CCDC24: variants seen among roughly 807,000 people sequenced by gnomAD.
CCDC24 encodes the protein coiled-coil domain containing 24.
Under a neutral mutation model 31.6 loss-of-function variants are expected in CCDC24, and 34 were observed. That is an observed-to-expected ratio of 1.08 (90% CI 0.82 to 1.43). The LOEUF (loss-of-function observed/expected upper bound fraction) is 1.43, where lower values mean the gene tolerates loss of function less well. Among genes scored for constraint, CCDC24 ranks in the 40% most tolerant of loss-of-function variants. The pLI is 0.00. For missense variants in CCDC24, 426 were observed against 391.1 expected (o/e 1.09, Z -0.75); for synonymous variants, 175 against 157.3 (o/e 1.11, Z -0.84).
In CCDC24 at chr1:43,993,899, A is replaced by G. The variant is rs200480885; in HGVS notation, c.432A>G (p.Arg144=). 1.4e-4 allele frequency: 221 copies of G among 1,614,202 alleles called. 2 individuals are homozygous for G. In the South Asian group the frequency reaches 2.3e-3, roughly 17 times the overall value. ...ACTTCATTGCCAGCAGCGGTCACAG[A>G]GATCTCAGCATCATCAAGGACCAAC... The part of the protein sequence containing the change: ...MRGGGPSSGH[R]DLSIIKDQLN... The change falls in exon 5 of 9, where the codon AGA becomes AGG. Residue 144 remains arginine, a synonymous_variant. Transcript: ENST00000372318.
At chr1:43,993,248 C>T (rs2085776364) in intron 4 of CCDC24, among the ~76,000 whole-genome samples, 1 of 150,794 alleles carries the variant, frequency 6.6e-6, no homozygotes, top group Admixed American at 6.6e-5. Flanking sequence ...TGAGATCAGC[C>T]TGGGCAATAC....
At position 43,991,736 on chromosome 1, in the gene CCDC24, G is replaced by A. The variant is rs894562067; in HGVS notation, c.-43G>A. The A allele has an allele frequency of 8.3e-6, 9 of 1,083,616 alleles. No individual in the cohort carries two copies. Among genetic ancestry groups the A allele is most frequent in the African/African-American group, 7.8e-5 (5 of 64,158 alleles). 67.1% of individuals were successfully genotyped at this position (1,083,616 alleles called of 1,614,324 possible). A position where few individuals can be genotyped will look rare whatever the true frequency, so the allele number is the denominator to read the frequency against. ...GCAATCCCAGCCGAGGGGACCAGCG[G>A]CAGAGCACGGGTGGGGCTTGGGAGA... On this transcript the variant is annotated 5_prime_UTR_variant, in exon 1 of 9. Transcript: ENST00000372318.
chr1:43,992,487 G>A (rs2085764216), intron 3 of CCDC24, 36 bp from the exon 4 acceptor site: 1 of 1,613,486 alleles, frequency 6.2e-7, no homozygotes. Context: ...TTCCAGAAAG[G>A]AGCCTCTCAG....
At position 43,995,391 on chromosome 1, in the gene CCDC24, T is replaced by G. The variant is rs1406255059; in HGVS notation, c.553-210T>G. 1 of 696,162 alleles carries G rather than the reference T, an allele frequency of 1.4e-6. No homozygotes were observed. Among genetic ancestry groups the G allele is most frequent in the Non-Finnish European group, 2.4e-6 (1 of 423,436 alleles). The allele number at this position is 696,162 out of a possible 1,614,324, so 43.1% of individuals were successfully genotyped here. Reference sequence around the variant, plus strand: ...CAACCGTTTTAGGTCTTTTGCCTCCTTCCTTTACCTAAGTCTGGGTACAGG... The same window carrying G: ...CAACCGTTTTAGGTCTTTTGCCTCCGTCCTTTACCTAAGTCTGGGTACAGG... On this transcript the variant is annotated intron_variant, in intron 6 of 8. Coordinates refer to ENST00000372318, the MANE Select transcript of CCDC24 (RefSeq NM_152499.4). The surrounding 1 kb of genome is among the most constrained non-coding windows in gnomAD (Gnocchi z 4.3).
intron 5 of CCDC24, chr1:43,994,805 G>A (rs532060155): frequency 4.2e-5 from 19 of 457,718 alleles, no homozygotes; most frequent in South Asian, 2.2e-4. Context: ...TTTAAGCAGC[G>A]GAAGGGCTGT....
rs548237253 is a variant in CCDC24, at chr1:43,996,219, G to A, written c.*59G>A. 89 of 1,406,626 alleles carry A rather than the reference G, an allele frequency of 6.3e-5. No individual in the cohort carries two copies. The East Asian group carries it at 1.3e-3, about 21-fold the overall frequency. The allele number at this position is 1,406,626 out of a possible 1,614,324, so 87.1% of individuals were successfully genotyped here. A position where few individuals can be genotyped will look rare whatever the true frequency, so the allele number is the denominator to read the frequency against. On this transcript the variant is annotated 3_prime_UTR_variant, in exon 9 of 9. Transcript: ENST00000372318. ...CACAGCGCACCTGTCTGCCGCTGCCGCCTCAGCTGCTTTGGCCCAGCCAGC... is the reference window on the plus strand; with the variant it reads ...CACAGCGCACCTGTCTGCCGCTGCCACCTCAGCTGCTTTGGCCCAGCCAGC...
chr1:43,992,690 T>A (rs1418017183), intron 4 of CCDC24, 51 bp downstream of exon 4: 2 of 1,512,918 alleles, frequency 1.3e-6, no homozygotes, highest in Non-Finnish European at 1.8e-6. Flanking sequence ...CAGAGGGCCC[T>A]AGCCCACTGG....
rs543689854 is a variant in CCDC24 at position 43,995,206 on chromosome 1, C to T, written c.552+44C>T. ...CCCTCCCCCGAGCCTCACTGCTGAG[C>T]GTAGACTCTCACCTGGGTGAGACCC... On this transcript the variant is annotated intron_variant, in intron 6 of 8. Transcript: ENST00000372318. The surrounding 1 kb of genome is among the most constrained non-coding windows in gnomAD (Gnocchi z 4.3). The T allele has an allele frequency of 3.1e-5, 47 of 1,535,318 alleles. No individual in the cohort carries two copies. The highest frequency in any genetic ancestry group is 1.2e-4 in the Admixed American group (6 of 51,254).
Position 43,991,830 on chromosome 1 carries a change from T to G in CCDC24, c.-32-17T>G. On this transcript the variant is annotated splice_polypyrimidine_tract_variant and intron_variant, in intron 1 of 8. Transcript: ENST00000372318. ...CGGGCCCGCGGTACCTCCCGCACTCTGACCTGCGGCCCGTAGGTCCGAGCC... is the reference window on the plus strand; with the variant it reads ...CGGGCCCGCGGTACCTCCCGCACTCGGACCTGCGGCCCGTAGGTCCGAGCC... 6.5e-7 allele frequency: 1 copy of G among 1,544,224 alleles called. No individual in the cohort carries two copies. Among genetic ancestry groups the G allele is most frequent in the Middle Eastern group, 1.7e-4 (1 of 5,720 alleles).
At position 43,992,213 on chromosome 1, in the gene CCDC24, T is replaced by TCG; in HGVS notation, c.128_129insCG (p.Ala44GlyfsTer35). 6.2e-7 allele frequency: 1 copy of TCG among 1,610,000 alleles called. No homozygotes were observed. Among genetic ancestry groups the TCG allele is most frequent in the Non-Finnish European group, 8.5e-7 (1 of 1,177,420 alleles). On this transcript the variant is annotated frameshift_variant and splice_region_variant, in exon 3 of 9. Transcript: ENST00000372318. LOFTEE classifies it high-confidence loss of function. ...AAGGTATCCCAGCTCTCCTTGCAGG[T>TCG]GGCGATGTTACGGGCACTGCTCCAA...
intron 4 of CCDC24, 92 bp from the exon 5 acceptor site, chr1:43,993,795 T>G (rs1373147521): frequency 1.7e-4 from 206 of 1,220,944 alleles, no homozygotes; most frequent in Non-Finnish European, 2.3e-4. Context: ...ATTGCCTTTG[T>G]GAGAAAAGAA....
rs773504689 is a variant in CCDC24, at chr1:43,992,291, C to G, written c.206C>G (p.Ser69Cys). ...PSSRPISDPS[S>C]LLAPPPLLKD... The stretch of plus-strand genomic sequence containing the variant: ...TCCCGCCCCATCTCTGACCCCTCTT[C>G]TCTTCTGGCACCACCGCCTCTCCTA... The change falls in exon 3 of 9, where the codon TCT becomes TGT. Residue 69 changes from serine (S) to cysteine (C), a missense_variant. Physicochemically the swap from Ser to Cys is moderately radical, Grantham distance 112. Transcript: ENST00000372318. 1.2e-6 allele frequency: 2 copies of G among 1,614,128 alleles called. No individual in the cohort carries two copies. The highest frequency in any genetic ancestry group is 1.7e-6 in the Non-Finnish European group (2 of 1,180,016).
Position 43,995,214 on chromosome 1 carries a change from C to A in CCDC24, c.552+52C>A. The A allele has an allele frequency of 2.6e-6, 4 of 1,524,700 alleles. No individual in the cohort carries two copies. Among genetic ancestry groups the A allele is most frequent in the Non-Finnish European group, 3.5e-6 (4 of 1,128,684 alleles). The allele number at this position is 1,524,700 out of a possible 1,614,324, so 94.4% of individuals were successfully genotyped here. ...CGAGCCTCACTGCTGAGCGTAGACT[C>A]TCACCTGGGTGAGACCCATGTACCT... On this transcript the variant is annotated intron_variant, in intron 6 of 8. Coordinates refer to ENST00000372318, the MANE Select transcript of CCDC24 (RefSeq NM_152499.4). This position sits in a 1 kb window ranked among gnomAD's most constrained non-coding sequence, Gnocchi z 4.3.
chr1:43,993,833 C>A, intron 4 of CCDC24, 54 bp from the exon 5 acceptor site: 1 of 1,530,982 alleles, frequency 6.5e-7, no homozygotes, highest in East Asian at 2.2e-5. Context: ...ATATTTGGGT[C>A]CTGAAGGCCT....
At chr1:43,993,616 C>T (rs2154303667) in intron 4 of CCDC24, among the ~76,000 whole-genome samples, 1 of 147,388 alleles carries the variant, frequency 6.8e-6, no homozygotes, top group African/African-American at 2.5e-5. Flanking sequence ...TACTGCACTC[C>T]AGCCTGGGCA....
At chr1:43,993,017 G>C (rs2085773772) in intron 4 of CCDC24, among the ~76,000 whole-genome samples, 1 of 152,230 alleles carries the variant, frequency 6.6e-6, no homozygotes, top group South Asian at 2.1e-4. Flanking sequence ...GAGAGCTGAA[G>C]AGGATGGTCA....
chr1:43,993,936 A>G lies in CCDC24; in HGVS notation c.469A>G (p.Asn157Asp), dbSNP rs749168637. 1.2e-6 allele frequency: 2 copies of G among 1,614,234 alleles called. No homozygotes were observed. Among genetic ancestry groups the G allele is most frequent in the Admixed American group, 1.7e-5 (1 of 60,028 alleles). Residue 157 changes from asparagine (N) to aspartate (D), a missense_variant, in exon 5 of 9, where the codon AAC becomes GAC. Physicochemically the swap from Asn to Asp is conservative, Grantham distance 23. Transcript: ENST00000372318. Reference protein sequence around the residue: ...SIIKDQLNVSNIDQVARHLRG... With the variant: ...SIIKDQLNVSDIDQVARHLRG... ...CATCAAGGACCAACTGAACGTGTCCAACATTGACCAGGTGGCCAGACACCT... is the reference window on the plus strand; with the variant it reads ...CATCAAGGACCAACTGAACGTGTCCGACATTGACCAGGTGGCCAGACACCT...
chr1:43,992,452 G>A, intron 3 of CCDC24, 65 bp downstream of exon 3: 1 of 1,612,472 alleles, frequency 6.2e-7, no homozygotes, highest in African/African-American at 1.3e-5. Flanking sequence ...CCCTAACAAG[G>A]AGCCAGGGTT....
intron 5 of CCDC24, 119 bp from the exon 6 acceptor site, chr1:43,994,989 T>G: frequency 1.2e-6 from 1 of 858,756 alleles, no homozygotes; most frequent in Non-Finnish European, 1.9e-6. Flanking sequence ...CAGTGTGGGC[T>G]GAGGAAGGAC....
Sources: gnomAD v4.1 joint callset for allele counts (sites outside exome capture counted in the v4.1 genomes callset) on GRCh38, gnomAD v4.1.1 for gene constraint, Gnocchi (gnomAD v3.1) non-coding constraint, MANE v1.5 for transcripts, NCBI Gene and HGNC (gene_info 2026-07-23, HGNC 2026-07-21) for gene names.